The following TESC variants were observed in gnomAD, a reference collection of about 807,000 sequenced individuals.
TESC encodes tescalcin.
TESC carries 19 observed loss-of-function variants against 31.0 expected under a neutral mutation model. The observed-to-expected ratio is 0.61, with a 90% CI of 0.43 to 0.90. TESC has a LOEUF of 0.90. TESC is among the 40% of genes least tolerant of loss of function. TESC has a pLI of 0.00. For missense variants in TESC, 248 were observed against 303.8 expected, an observed-to-expected ratio of 0.82 and a Z score of 1.36; for synonymous variants, 109 against 114.8, an observed-to-expected ratio of 0.95 and a Z score of 0.32.
At chr12:117,040,129 C>T (rs1454133875) in intron 7 of TESC, among the ~76,000 whole-genome samples, 1 of 152,242 alleles carries the variant, frequency 6.6e-6, no homozygotes, top group Non-Finnish European at 1.5e-5. Context: ...CCCGTGGGCA[C>T]CCAGGCGACA....
chr12:117,056,724 T>C, intron 3 of TESC, 82 bp downstream of exon 3: 1 of 1,461,532 alleles, frequency 6.8e-7, no homozygotes, highest in Non-Finnish European at 9.6e-7. Context: ...GCTCAAAGGG[T>C]CATTCTAGGA....
At chr12:117,075,875 G>GTATATATATATA (rs528031954) in intron 1 of TESC, among the ~76,000 whole-genome samples, 1 of 62,540 alleles carries the variant, frequency 1.6e-5, no homozygotes, top group Non-Finnish European at 2.8e-5. Context: ...ATATATGTGT[G>GTATATATATATA]TATATATATA....
chr12:117,051,622 C>A (rs763326721), intron 3 of TESC, among the ~76,000 whole-genome samples: 2 of 152,188 alleles, frequency 1.3e-5, no homozygotes, highest in African/African-American at 2.4e-5. Context: ...CTTCCCACAG[C>A]GACTGGCTCA....
chr12:117,075,887 A>ATATATATGTGTATATATATATATGTATG (rs1955055203), intron 1 of TESC, among the ~76,000 whole-genome samples: 1 of 62,456 alleles, frequency 1.6e-5, no homozygotes, highest in African/African-American at 9.8e-5. Flanking sequence ...ATATATATAT[A>ATATATATGTGTATATATATATATGTATG]TATATATATA....
intron 1 of TESC, among the ~76,000 whole-genome samples, chr12:117,077,927 G>A (rs1366786329): frequency 6.6e-6 from 1 of 151,776 alleles, no homozygotes; most frequent in African/African-American, 2.4e-5. Flanking sequence ...GCACTGTTCT[G>A]GATATGCACT....
chr12:117,072,004 TG>T (rs1457093400), intron 2 of TESC, among the ~76,000 whole-genome samples: 1 of 152,152 alleles, frequency 6.6e-6, no homozygotes, highest in Non-Finnish European at 1.5e-5. Context: ...ACAGTCAAGT[TG>T]GAAAAAAACT....
intron 4 of TESC, 173 bp downstream of exon 4, chr12:117,048,846 C>A (rs775355022): frequency 9.9e-7 from 1 of 1,005,036 alleles, no homozygotes; most frequent in Non-Finnish European, 1.5e-6. Flanking sequence ...GTGCCGGGAA[C>A]GGGAGACAGC....
At chr12:117,083,251 A>C (rs1184131396) in intron 1 of TESC, among the ~76,000 whole-genome samples, 1 of 152,152 alleles carries the variant, frequency 6.6e-6, no homozygotes, top group Non-Finnish European at 1.5e-5. Context: ...GCTAATTTCT[A>C]TATTTTTAGT....
At chr12:117,057,449 C>G (rs1954741336) in intron 2 of TESC, among the ~76,000 whole-genome samples, 1 of 152,070 alleles carries the variant, frequency 6.6e-6, no homozygotes, top group Non-Finnish European at 1.5e-5. Context: ...CATCCCCAAA[C>G]AAATGCAGAG....
chr12:117,089,503 A>C (rs1955276051), intron 1 of TESC, among the ~76,000 whole-genome samples: 1 of 152,230 alleles, frequency 6.6e-6, no homozygotes, highest in Non-Finnish European at 1.5e-5. Flanking sequence ...AACAGAAGAG[A>C]CTATATAGTA....
intron 1 of TESC, among the ~76,000 whole-genome samples, chr12:117,098,090 G>A (rs1213361770): frequency 6.6e-6 from 1 of 152,128 alleles, no homozygotes; most frequent in Admixed American, 6.5e-5. Context: ...ATTTAGATTG[G>A]GGGTCAAGAG....
Position 117,099,360 on chromosome 12 carries a change from G to A in TESC, c.-78C>T. ...GCTTCGGCTGCGCAGCGGCGGGACT[G>A]GCCTCGGGTCCGGCCTCGGGTCGGG... On this transcript the variant is annotated 5_prime_UTR_variant, in exon 1 of 8. Transcript: ENST00000335209. The A allele has an allele frequency of 7.7e-7, 1 of 1,306,064 alleles. No individual in the cohort carries two copies. Among genetic ancestry groups the A allele is most frequent in the Non-Finnish European group, 9.8e-7 (1 of 1,022,680 alleles). The allele number at this position is 1,306,064 out of a possible 1,614,324, so 80.9% of individuals were successfully genotyped here.
At chr12:117,061,447 G>A (rs956585082) in intron 2 of TESC, among the ~76,000 whole-genome samples, 3 of 152,072 alleles carry the variant, frequency 2.0e-5, no homozygotes, top group Non-Finnish European at 4.4e-5. Context: ...AGAGAGGGAG[G>A]AGAGGTGGGG....
intron 6 of TESC, among the ~76,000 whole-genome samples, chr12:117,042,586 G>C (rs1029486333): frequency 6.6e-6 from 1 of 152,206 alleles, no homozygotes; most frequent in Middle Eastern, 3.2e-3. Context: ...GGCAGGGCCA[G>C]AGGGTGGCCA....
At chr12:117,099,054 C>T (rs999012629) in intron 1 of TESC, among the ~76,000 whole-genome samples, 171 bp downstream of exon 1, 8 of 152,142 alleles carry the variant, frequency 5.3e-5, no homozygotes, top group Non-Finnish European at 1.2e-4. Flanking sequence ...CTCCTCGCCG[C>T]AGCCCGCGAG....
chr12:117,042,792 G>T (rs545352768), intron 6 of TESC, among the ~76,000 whole-genome samples: 1 of 152,270 alleles, frequency 6.6e-6, no homozygotes, highest in South Asian at 2.1e-4. Flanking sequence ...CCAGGTGCCC[G>T]TCAATAGAAG....
At chr12:117,080,813 G>A (rs546908265) in intron 1 of TESC, among the ~76,000 whole-genome samples, 37 of 151,852 alleles carry the variant, frequency 2.4e-4, no homozygotes, top group African/African-American at 8.7e-4. Flanking sequence ...AGGGCCCCTC[G>A]CATAAGCACC....
chr12:117,042,074 C>T, intron 6 of TESC, 80 bp from the exon 7 acceptor site: 2 of 1,387,920 alleles, frequency 1.4e-6, no homozygotes, highest in Non-Finnish European at 2.0e-6. Context: ...CCACTGGCCT[C>T]CCCTCCCCAC....
intron 3 of TESC, among the ~76,000 whole-genome samples, chr12:117,054,796 C>T (rs1954697575): frequency 6.6e-6 from 1 of 152,150 alleles, no homozygotes; most frequent in Non-Finnish European, 1.5e-5. Context: ...CACGCCTGTT[C>T]CCATCCTTCC....
Sources: allele counts gnomAD v4.1 joint callset (sites outside exome capture counted in the v4.1 genomes callset), GRCh38; gene constraint gnomAD v4.1.1; transcripts MANE v1.5; gene names NCBI Gene and HGNC (gene_info 2026-07-23, HGNC 2026-07-21).